The following COL22A1 variants were observed in gnomAD, a reference collection of about 807,000 sequenced individuals.
COL22A1 encodes collagen alpha-1(XXII) chain.
In COL22A1, 221 loss-of-function variants were observed where a neutral mutation model predicts 248.9. That is an observed-to-expected ratio of 0.89 (90% confidence interval 0.80 to 0.99). The LOEUF is 0.99. Ranked by LOEUF, COL22A1 falls within the 50% of genes least tolerant of loss-of-function variation. The pLI, the probability that COL22A1 is intolerant of heterozygous loss-of-function variation, is 0.00. For synonymous variants in COL22A1, 891 were observed against 793.4 expected (o/e 1.12, Z -2.07); for missense variants, 2,240 against 2,179.0 (o/e 1.03, Z -0.56).
At chr8:138,662,158 G>T in intron 42 of COL22A1, 75 bp from the exon 43 acceptor site, 1 of 1,276,028 alleles carries the variant, frequency 7.8e-7, no homozygotes. Flanking sequence ...CTTGGCAATA[G>T]TTGGCTCTCC....
intron 57 of COL22A1, 106 bp downstream of exon 57, chr8:138,607,830 C>T: frequency 9.2e-7 from 1 of 1,088,618 alleles, no homozygotes; most frequent in Non-Finnish European, 1.4e-6. Flanking sequence ...CCCATATGTC[C>T]CCACCGATGC....
chr8:138,913,050 T>A (rs1460100229), intron 1 of COL22A1, among the ~76,000 whole-genome samples: 1 of 150,240 alleles, frequency 6.7e-6, no homozygotes, highest in Non-Finnish European at 1.5e-5. Context: ...AAAACACCTC[T>A]CTGACCTAGA....
intron 56 of COL22A1, among the ~76,000 whole-genome samples, chr8:138,612,843 G>A (rs1157415129): frequency 6.7e-6 from 1 of 149,166 alleles, no homozygotes; most frequent in Non-Finnish European, 1.5e-5. Flanking sequence ...GGCTGAGGTA[G>A]GAGAATCGCT....
At chr8:138,657,111 G>A (rs752591175) in intron 44 of COL22A1, among the ~76,000 whole-genome samples, 1 of 152,206 alleles carries the variant, frequency 6.6e-6, no homozygotes, top group African/African-American at 2.4e-5. Context: ...GACTGAGAGA[G>A]ACTGGGGTTG....
chr8:138,686,773 CCT>C (rs1046141378), intron 37 of COL22A1, among the ~76,000 whole-genome samples: 4 of 152,158 alleles, frequency 2.6e-5, no homozygotes, highest in African/African-American at 9.7e-5. Context: ...GAGGCCATCC[CCT>C]TCCAGGTTAC....
chr8:138,763,796 C>A (rs949542065), intron 16 of COL22A1, among the ~76,000 whole-genome samples: 4 of 152,194 alleles, frequency 2.6e-5, no homozygotes, highest in African/African-American at 4.8e-5. Flanking sequence ...CCCTCCTGAC[C>A]TTTTCATCTA....
In COL22A1 at chr8:138,716,858, C is replaced by T; in HGVS notation, c.2367G>A (p.Gly789=). ...PGKPGLRGEI[G]EQGLAGRPGE... is the part of the protein sequence containing the mutation. The stretch of plus-strand genomic sequence containing the variant: ...CAGGTCGGCCTGCCAGGCCCTGCTC[C>T]CCAATTTCTCCCTGAAAATGCAATA... The change falls in exon 28 of 65, where the codon GGG becomes GGA. Residue 789 remains glycine (G), a synonymous_variant. Transcript: ENST00000303045. The T allele has an allele frequency of 1.9e-6, 3 of 1,611,086 alleles. No individual in the cohort carries two copies. The highest frequency in any genetic ancestry group is 2.5e-6 in the Non-Finnish European group (3 of 1,177,192).
chr8:138,611,530 C>T (rs965858570), intron 56 of COL22A1, among the ~76,000 whole-genome samples: 1 of 152,190 alleles, frequency 6.6e-6, no homozygotes, highest in African/African-American at 2.4e-5. Flanking sequence ...CACTCCCTCC[C>T]CAGTTGCCTT....
intron 47 of COL22A1, among the ~76,000 whole-genome samples, chr8:138,637,233 A>T (rs1367889188): frequency 6.6e-6 from 1 of 152,162 alleles, no homozygotes; most frequent in African/African-American, 2.4e-5. Flanking sequence ...GTGTTCCAGG[A>T]GTGGCAGGAA....
At chr8:138,723,606 A>T (rs1830070635) in intron 25 of COL22A1, among the ~76,000 whole-genome samples, 1 of 152,206 alleles carries the variant, frequency 6.6e-6, no homozygotes, top group Non-Finnish European at 1.5e-5. Context: ...CTTTCAGATG[A>T]TCCCGTCACT....
In COL22A1 at chr8:138,878,179, C is replaced by G; in HGVS notation, c.229G>C (p.Val77Leu). 6.2e-7 allele frequency: 1 copy of G among 1,603,428 alleles called. No homozygotes were observed. Among genetic ancestry groups the G allele is most frequent in the Non-Finnish European group, 8.5e-7 (1 of 1,175,848 alleles). ...CGGTCGCTGTAGCGCACGACCCCCA[C>G]ACGGGTGCGGTCGGGGCCCACCTCG... is the stretch of plus-strand genomic sequence containing the variant. ...TFEVGPDRTRVGVVRYSDRPT... is the reference protein window; with the variant it reads ...TFEVGPDRTRLGVVRYSDRPT... The change falls in exon 3 of 65, where the codon GTG (valine) becomes CTG (leucine). Residue 77 changes from valine to leucine, a missense_variant. By Grantham distance (32) the Val-to-Leu change is conservative. Coordinates refer to ENST00000303045, the MANE Select transcript of COL22A1 (RefSeq NM_152888.3).
intron 11 of COL22A1, among the ~76,000 whole-genome samples, chr8:138,797,581 A>G (rs1586765909): frequency 6.6e-6 from 1 of 152,262 alleles, no homozygotes; most frequent in Non-Finnish European, 1.5e-5. Context: ...ATATCTTTGC[A>G]TTTTTGAGGG....
At chr8:138,734,726 G>A (rs555852882) in intron 23 of COL22A1, among the ~76,000 whole-genome samples, 3 of 152,268 alleles carry the variant, frequency 2.0e-5, no homozygotes, top group South Asian at 2.1e-4. Context: ...ACATGCACAC[G>A]CATGTTTATT....
At chr8:138,682,417 A>T (rs1826034468) in intron 39 of COL22A1, among the ~76,000 whole-genome samples, 1 of 152,264 alleles carries the variant, frequency 6.6e-6, no homozygotes, top group Non-Finnish European at 1.5e-5. Context: ...TAATTTTACA[A>T]TAACACTTTT....
chr8:138,720,746 C>T lies in COL22A1; in HGVS notation c.2348G>A (p.Gly783Asp), dbSNP rs757994684. The T allele has an allele frequency of 1.2e-6, 2 of 1,613,842 alleles. No homozygotes were observed. Among genetic ancestry groups the T allele is most frequent in the Non-Finnish European group, 1.7e-6 (2 of 1,179,734 alleles). Reference protein sequence around the residue: ...RGEDGLPGKPGLRGEIGEQGL... With the variant: ...RGEDGLPGKPDLRGEIGEQGL... ...AAGAGGCAAAGTCCATACCCGAAGG[C>T]CTGGTTTTCCAGGCAGACCATCTTC... Residue 783 changes from glycine (G) to aspartate (D), a missense_variant, in exon 27 of 65, where the codon GGC becomes GAC. Physicochemically the swap from Gly to Asp is moderately conservative, Grantham distance 94. Transcript: ENST00000303045.
intron 16 of COL22A1, among the ~76,000 whole-genome samples, chr8:138,772,175 T>C (rs747257620): frequency 2.0e-5 from 3 of 152,206 alleles, no homozygotes; most frequent in Non-Finnish European, 4.4e-5. Context: ...CTGAGTTCGA[T>C]CTTGGTTCCT....
At chr8:138,754,863 T>G (rs1832865443) in intron 21 of COL22A1, among the ~76,000 whole-genome samples, 1 of 152,200 alleles carries the variant, frequency 6.6e-6, no homozygotes. Flanking sequence ...TCAAACTGAA[T>G]CCCCAGAAAC....
At chr8:138,670,392 C>T (rs1468550482) in intron 41 of COL22A1, among the ~76,000 whole-genome samples, 3 of 152,102 alleles carry the variant, frequency 2.0e-5, no homozygotes, top group Non-Finnish European at 4.4e-5. Flanking sequence ...CCTGCACATT[C>T]CTTGAGCATC....
intron 35 of COL22A1, among the ~76,000 whole-genome samples, chr8:138,691,729 T>C (rs1259678648): frequency 2.0e-5 from 3 of 146,836 alleles, no homozygotes; most frequent in African/African-American, 5.1e-5. Context: ...TGTGTACATG[T>C]GAGTGTGCAT....
Sources: gnomAD v4.1 joint callset for allele counts (sites outside exome capture counted in the v4.1 genomes callset) on GRCh38, gnomAD v4.1.1 for gene constraint, MANE v1.5 for transcripts, NCBI Gene and HGNC (gene_info 2026-07-23, HGNC 2026-07-21) for gene names.